Variants in BST1 observed in about 807,000 individuals in gnomAD.
The protein encoded by BST1 is bone marrow stromal cell antigen 1.
In BST1, 49 loss-of-function variants were observed where a neutral mutation model predicts 40.6. The observed-to-expected ratio is 1.21, with a 90% CI of 0.96 to 1.53. The LOEUF (loss-of-function observed/expected upper bound fraction) is 1.53. BST1 is among the 40% of genes most tolerant of loss of function. BST1 has a pLI of 0.00. For synonymous variants in BST1, 157 were observed against 159.3 expected, an observed-to-expected ratio of 0.99 and a Z score of 0.11; for missense variants, 423 against 395.9, an observed-to-expected ratio of 1.07 and a Z score of -0.58.
At chr4:15,728,145 TA>T (rs1721204330) in intron 8 of BST1, among the ~76,000 whole-genome samples, 1 of 152,102 alleles carries the variant, frequency 6.6e-6, no homozygotes, top group African/African-American at 2.4e-5. Flanking sequence ...TCAGATCTTT[TA>T]ACTTAGCTGG....
At chr4:15,720,758 T>A (rs182532993) in intron 7 of BST1, among the ~76,000 whole-genome samples, 1 of 152,126 alleles carries the variant, frequency 6.6e-6, no homozygotes, top group Non-Finnish European at 1.5e-5. Context: ...GCCACTGCAC[T>A]CTAGCCTGGG....
intron 1 of BST1, chr4:15,704,851 G>A (rs1229080996): frequency 2.8e-6 from 2 of 717,498 alleles, no homozygotes; most frequent in African/African-American, 1.8e-5. Flanking sequence ...TGTTCCTTCT[G>A]TGGCCCCCCT....
At chr4:15,747,485 T>A in the BST1 span, among the ~76,000 whole-genome samples, 2 of 151,558 alleles carry the variant, frequency 1.3e-5, no homozygotes, top group African/African-American at 2.4e-5. Flanking sequence ...CACTTCGGAG[T>A]TTTTCCGTGA....
At chr4:15,755,459 C>T in the BST1 span, among the ~76,000 whole-genome samples, 12 of 152,268 alleles carry the variant, frequency 7.9e-5, no homozygotes, top group African/African-American at 2.9e-4. Flanking sequence ...ATAAACAATG[C>T]TGCAATGACT....
At chr4:15,772,618 T>C in the BST1 span, among the ~76,000 whole-genome samples, 1 of 152,098 alleles carries the variant, frequency 6.6e-6, no homozygotes. Flanking sequence ...GCCTCTGAGA[T>C]GGGTATTGTC....
chr4:15,729,635 A>G (rs1721281363), intron 8 of BST1, among the ~76,000 whole-genome samples: 1 of 152,236 alleles, frequency 6.6e-6, no homozygotes. Flanking sequence ...GCTTTTGAGT[A>G]TATAAATGTA....
intron 6 of BST1, among the ~76,000 whole-genome samples, chr4:15,717,626 A>T (rs1174150323): frequency 6.6e-6 from 1 of 152,206 alleles, no homozygotes; most frequent in Non-Finnish European, 1.5e-5. Context: ...ACTTTCATGA[A>T]TTTATGCCAA....
chr4:15,767,582 C>T, the BST1 span, among the ~76,000 whole-genome samples: 4 of 150,330 alleles, frequency 2.7e-5, no homozygotes, highest in East Asian at 2.0e-4. Context: ...GGGTTACAAG[C>T]GTGAGCCACC....
At chr4:15,719,102 C>A in intron 7 of BST1, 109 bp downstream of exon 7, 2 of 934,622 alleles carry the variant, frequency 2.1e-6, no homozygotes, top group Non-Finnish European at 3.1e-6. Context: ...GCCATGGTGT[C>A]TTCCGGGTGG....
At chr4:15,715,950 T>C in intron 6 of BST1, 151 bp downstream of exon 6, 1 of 559,308 alleles carries the variant, frequency 1.8e-6, no homozygotes, top group Non-Finnish European at 2.9e-6. Context: ...AAAGCTTGAC[T>C]TTCTGGGAAT....
At chr4:15,730,475 G>A (rs778378732) in intron 8 of BST1, among the ~76,000 whole-genome samples, 9 of 152,098 alleles carry the variant, frequency 5.9e-5, no homozygotes, top group Non-Finnish European at 1.3e-4. Flanking sequence ...TGTTCCATCC[G>A]TACAATAAGA....
chr4:15,746,983 C>T, the BST1 span, among the ~76,000 whole-genome samples: 1 of 152,184 alleles, frequency 6.6e-6, no homozygotes, highest in Admixed American at 6.5e-5. Context: ...TATTCCATTC[C>T]TCCAAATGCA....
intron 8 of BST1, among the ~76,000 whole-genome samples, chr4:15,726,956 C>T (rs1311162912): frequency 7.3e-5 from 11 of 151,126 alleles, no homozygotes; most frequent in East Asian, 5.8e-4. Context: ...CTGCACCCTC[C>T]GCCTCCCGGG....
chr4:15,774,023 A>G, the BST1 span, among the ~76,000 whole-genome samples: 1 of 152,234 alleles, frequency 6.6e-6, no homozygotes, highest in Non-Finnish European at 1.5e-5. Flanking sequence ...AGATAGGGTA[A>G]TAGCTTCAAA....
chr4:15,705,945 T>A (rs1419853610), intron 2 of BST1, among the ~76,000 whole-genome samples: 1 of 152,210 alleles, frequency 6.6e-6, no homozygotes, highest in African/African-American at 2.4e-5. Flanking sequence ...CTGGGAGGCC[T>A]CTGGGAGCTT....
chr4:15,749,290 A>G, the BST1 span, among the ~76,000 whole-genome samples: 1 of 152,230 alleles, frequency 6.6e-6, no homozygotes, highest in African/African-American at 2.4e-5. Flanking sequence ...AGAAACGGTC[A>G]TTGCCAAGAT....
the BST1 span, among the ~76,000 whole-genome samples, chr4:15,759,343 C>G: frequency 6.6e-6 from 1 of 151,882 alleles, no homozygotes; most frequent in East Asian, 1.9e-4. Context: ...TCACCACACT[C>G]AAGTTTTCAA....
downstream of BST1, among the ~76,000 whole-genome samples, chr4:15,742,712 G>A (rs1425397757): frequency 6.6e-6 from 1 of 152,228 alleles, no homozygotes; most frequent in African/African-American, 2.4e-5. Context: ...ATGAAGAAGT[G>A]GGAATTGAGT....
chr4:15,733,051 G>A (rs1438983504), downstream of BST1, among the ~76,000 whole-genome samples: 5 of 152,196 alleles, frequency 3.3e-5, no homozygotes, highest in Non-Finnish European at 4.4e-5. Flanking sequence ...GTGAGCAGCA[G>A]CAAGATTTAT....
Sources: gnomAD v4.1 joint callset for allele counts (sites outside exome capture counted in the v4.1 genomes callset) on GRCh38, gnomAD v4.1.1 for gene constraint, MANE v1.5 for transcripts, NCBI Gene and HGNC (gene_info 2026-07-23, HGNC 2026-07-21) for gene names.